Variants in GLB1 observed in about 807,000 individuals in gnomAD.
GLB1 encodes the protein beta-galactosidase.
GLB1 carries 56 observed loss-of-function variants against 74.0 expected under a neutral mutation model. The ratio of observed to expected loss-of-function variants is 0.76; its 90% CI spans 0.61 to 0.94. The LOEUF is 0.94. Among genes scored for constraint, GLB1 ranks in the 40% least tolerant of loss-of-function variants. The probability of loss-of-function intolerance (pLI) is 0.00; values close to 1 mark genes in which losing one functional copy is unlikely to be tolerated. For synonymous variants in GLB1, 323 were observed against 323.6 expected (o/e 1.00, Z 0.02); for missense variants, 787 against 845.5 (o/e 0.93, Z 0.86).
At chr3:33,074,664 G>A (rs532417620) in intron 1 of GLB1, among the ~76,000 whole-genome samples, 2 of 152,112 alleles carry the variant, frequency 1.3e-5, no homozygotes, top group African/African-American at 4.8e-5. Context: ...GGATAAGGCA[G>A]CAACAGGCCA....
intron 14 of GLB1, among the ~76,000 whole-genome samples, chr3:33,015,840 C>G (rs1697217536): frequency 6.6e-6 from 1 of 152,230 alleles, no homozygotes. Flanking sequence ...CTGCCCTAGC[C>G]TGGGTGGTGC....
At chr3:32,976,188 A>G in the GLB1 span, among the ~76,000 whole-genome samples, 1 of 152,148 alleles carries the variant, frequency 6.6e-6, no homozygotes, top group African/African-American at 2.4e-5. Flanking sequence ...AAGCTGATCC[A>G]TTCCCACATA....
At chr3:33,062,997 C>T (rs560129372) in intron 5 of GLB1, among the ~76,000 whole-genome samples, 2 of 152,254 alleles carry the variant, frequency 1.3e-5, no homozygotes, top group African/African-American at 4.8e-5. Context: ...GAAACTGCTC[C>T]CACATGTGCT....
chr3:32,988,210 A>C, the GLB1 span, among the ~76,000 whole-genome samples: 1 of 143,582 alleles, frequency 7.0e-6, no homozygotes, highest in South Asian at 2.2e-4. Flanking sequence ...AAAAAAAAGG[A>C]TCTTAGAGAC....
chr3:32,979,851 C>CA, the GLB1 span, among the ~76,000 whole-genome samples: 51 of 25,184 alleles, frequency 2.0e-3, 1 homozygote, highest in African/African-American at 6.4e-3. Flanking sequence ...GACCCTGTCT[C>CA]AAAAAAAAAA....
At chr3:32,966,822 G>A in the GLB1 span, among the ~76,000 whole-genome samples, 1 of 152,130 alleles carries the variant, frequency 6.6e-6, no homozygotes, top group Non-Finnish European at 1.5e-5. Flanking sequence ...AAGATCTGAT[G>A]GTTTTATAAA....
At chr3:33,026,873 T>C (rs900641311) in intron 10 of GLB1, among the ~76,000 whole-genome samples, 1 of 152,214 alleles carries the variant, frequency 6.6e-6, no homozygotes, top group Non-Finnish European at 1.5e-5. Context: ...GGGCCTCCTC[T>C]GAGCTGTTCT....
intron 15 of GLB1, among the ~76,000 whole-genome samples, chr3:33,008,852 G>C (rs1327259743): frequency 6.6e-6 from 1 of 152,206 alleles, no homozygotes; most frequent in Non-Finnish European, 1.5e-5. Context: ...GGGCGCAGTG[G>C]TTCACGCCTG....
chr3:32,989,591 C>G, the GLB1 span, among the ~76,000 whole-genome samples: 1 of 152,348 alleles, frequency 6.6e-6, no homozygotes, highest in East Asian at 1.9e-4. Flanking sequence ...ACACACAAGA[C>G]TCATGGGTCA....
intron 15 of GLB1, among the ~76,000 whole-genome samples, chr3:33,006,646 G>A (rs1250680213): frequency 6.6e-6 from 1 of 152,182 alleles, no homozygotes; most frequent in African/African-American, 2.4e-5. Flanking sequence ...CCTTTCTACT[G>A]AAGTCCCAGT....
Position 33,093,238 on chromosome 3 carries a change from C to G in GLB1, c.75+3773G>C. 6.2e-7 allele frequency: 1 copy of G among 1,614,148 alleles called. No homozygotes were observed. The highest frequency in any genetic ancestry group is 2.2e-5 in the East Asian group (1 of 44,884). On this transcript the variant is annotated intron_variant, in intron 1 of 15. Coordinates refer to ENST00000307363, the MANE Select transcript of GLB1 (RefSeq NM_000404.4). The surrounding 1 kb of genome is among the most constrained non-coding windows in gnomAD (Gnocchi z 6.0). The stretch of plus-strand genomic sequence containing the variant: ...CAGTCCTCATCCTCACTCCCACTGC[C>G]ACTGCCACCACCACCACGTTGGGCC...
intron 12 of GLB1, among the ~76,000 whole-genome samples, chr3:33,018,804 A>G (rs1473540856): frequency 2.0e-5 from 3 of 152,190 alleles, no homozygotes; most frequent in Admixed American, 6.5e-5. Flanking sequence ...TCCCTTTCCC[A>G]TAAGAGGAAC....
intron 10 of GLB1, among the ~76,000 whole-genome samples, chr3:33,025,789 C>T (rs568161486): frequency 6.6e-4 from 101 of 152,292 alleles, no homozygotes; most frequent in African/African-American, 2.4e-3. Flanking sequence ...CGGAGAGGAC[C>T]CCTGTGCCCC....
intron 15 of GLB1, among the ~76,000 whole-genome samples, chr3:33,011,116 C>G (rs1697004190): frequency 6.6e-6 from 1 of 152,132 alleles, no homozygotes; most frequent in Non-Finnish European, 1.5e-5. Context: ...CTCGGCCTCC[C>G]AAAGTGCTGG....
chr3:33,050,860 G>C (rs938457246), intron 9 of GLB1, among the ~76,000 whole-genome samples: 24 of 152,190 alleles, frequency 1.6e-4, no homozygotes, highest in African/African-American at 5.8e-4. Context: ...TACAGTTATA[G>C]ACTGTGACTG....
At chr3:33,066,826 C>A (rs1189972452) in intron 4 of GLB1, among the ~76,000 whole-genome samples, 1 of 152,070 alleles carries the variant, frequency 6.6e-6, no homozygotes, top group Non-Finnish European at 1.5e-5. Flanking sequence ...TGAGTTACCA[C>A]AGTGAAAACA....
At chr3:32,979,568 C>T in the GLB1 span, among the ~76,000 whole-genome samples, 1 of 151,352 alleles carries the variant, frequency 6.6e-6, no homozygotes, top group South Asian at 2.1e-4. Context: ...AAAAGGCACA[C>T]TTGGCCGGGA....
chr3:33,040,541 G>A (rs1698456607), intron 10 of GLB1, among the ~76,000 whole-genome samples: 1 of 152,168 alleles, frequency 6.6e-6, no homozygotes, highest in African/African-American at 2.4e-5. Flanking sequence ...GAGCCCGGGA[G>A]GTTGAGGCTG....
At chr3:33,019,822 A>G (rs1347743600) in intron 12 of GLB1, among the ~76,000 whole-genome samples, 9 of 152,058 alleles carry the variant, frequency 5.9e-5, no homozygotes, top group Admixed American at 5.9e-4. Context: ...GGCTCAGGGG[A>G]TCCCTGCAGA....
Sources: allele counts gnomAD v4.1 joint callset (sites outside exome capture counted in the v4.1 genomes callset), GRCh38; gene constraint gnomAD v4.1.1; non-coding constraint Gnocchi (gnomAD v3.1); transcripts MANE v1.5; gene names NCBI Gene and HGNC (gene_info 2026-07-23, HGNC 2026-07-21).